REV1: variants seen among roughly 807,000 people sequenced by gnomAD.
REV1 encodes the protein REV1 DNA directed polymerase.
Under a neutral mutation model 137.4 loss-of-function variants are expected in REV1, and 42 were observed. The observed-to-expected ratio is 0.31, with a 90% confidence interval of 0.24 to 0.40. The LOEUF (loss-of-function observed/expected upper bound fraction) is 0.40, where lower values mean the gene tolerates loss of function less well. Among genes scored for constraint, REV1 ranks in the 10% least tolerant of loss-of-function variants. The pLI is 1.00. For synonymous variants in REV1, 524 were observed against 519.2 expected (o/e 1.01, Z -0.12); for missense variants, 1,282 against 1,490.1 (o/e 0.86, Z 2.30).
chr2:99,409,467 T>C (rs113391968), intron 14 of REV1, among the ~76,000 whole-genome samples: 52 of 152,296 alleles, frequency 3.4e-4, no homozygotes, highest in African/African-American at 1.2e-3. Flanking sequence ...CAATATAAAA[T>C]GACATGTAAA....
At chr2:99,432,210 G>A (rs1680210679) in intron 8 of REV1, among the ~76,000 whole-genome samples, 1 of 152,098 alleles carries the variant, frequency 6.6e-6, no homozygotes, top group Admixed American at 6.5e-5. Flanking sequence ...TGGTTGCACG[G>A]GGCTAATTAA....
chr2:99,402,047 T>A (rs527503674), intron 22 of REV1, among the ~76,000 whole-genome samples, 197 bp downstream of exon 22: 2 of 152,316 alleles, frequency 1.3e-5, no homozygotes, highest in Admixed American at 6.5e-5. Flanking sequence ...TATGGTTTTT[T>A]AATCACATGT....
intron 7 of REV1, among the ~76,000 whole-genome samples, chr2:99,434,829 C>A (rs897476557): frequency 3.0e-5 from 4 of 135,078 alleles, no homozygotes; most frequent in African/African-American, 1.2e-4. Context: ...CTAGAGTTAA[C>A]ATCTATACTT....
At chr2:99,439,697 T>C (rs1681229005) in intron 5 of REV1, among the ~76,000 whole-genome samples, 1 of 152,182 alleles carries the variant, frequency 6.6e-6, no homozygotes, top group African/African-American at 2.4e-5. Flanking sequence ...AAAAAATTAA[T>C]TGGAATCTAT....
chr2:99,480,739 T>C (rs1686525334), intron 1 of REV1, among the ~76,000 whole-genome samples: 1 of 152,182 alleles, frequency 6.6e-6, no homozygotes, highest in Non-Finnish European at 1.5e-5. Context: ...ACAAATCCCT[T>C]TTCTCACAAA....
At chr2:99,418,181 C>A in intron 12 of REV1, among the ~76,000 whole-genome samples, 1 of 140,694 alleles carries the variant, frequency 7.1e-6, no homozygotes, top group East Asian at 1.9e-4. Context: ...AAAACTTTCA[C>A]TATAAATGAA....
Position 99,406,110 on chromosome 2 carries a change from CAAAAAGAA to C in REV1, c.2615-12_2615-5del. 1 of 1,605,918 alleles carries C rather than the reference CAAAAAGAA, an allele frequency of 6.2e-7. No individual in the cohort carries two copies. On this transcript the variant is annotated splice_polypyrimidine_tract_variant and splice_region_variant and intron_variant, in intron 16 of 22. Coordinates refer to ENST00000258428, the MANE Select transcript of REV1 (RefSeq NM_016316.4). ...AGATCCACAGCAGCCCGAAATACTA[CAAAAAGAA>C]AATATATAAAATAGCCTCTTCAGAT...
intron 1 of REV1, among the ~76,000 whole-genome samples, chr2:99,475,022 G>A (rs966871897): frequency 2.6e-5 from 4 of 152,278 alleles, no homozygotes; most frequent in Non-Finnish European, 4.4e-5. Flanking sequence ...TATGTGGAAA[G>A]AGTTGGACCT....
chr2:99,434,478 ATGTGG>A, intron 7 of REV1, 30 bp from the exon 8 acceptor site: 1 of 1,505,476 alleles, frequency 6.6e-7, no homozygotes, highest in Non-Finnish European at 9.1e-7. Flanking sequence ...TTATTTCTGT[ATGTGG>A]TACAGGAATG....
intron 3 of REV1, among the ~76,000 whole-genome samples, chr2:99,453,406 T>G (rs1683141500): frequency 6.6e-6 from 1 of 152,138 alleles, no homozygotes; most frequent in Admixed American, 6.5e-5. Flanking sequence ...TTATCAGTAT[T>G]ATTTTTACCA....
intron 15 of REV1, 120 bp downstream of exon 15, chr2:99,407,909 G>C (rs1676566444): frequency 2.1e-6 from 1 of 476,670 alleles, no homozygotes; most frequent in Non-Finnish European, 3.7e-6. Flanking sequence ...GTATTACAAA[G>C]CAGCTAAAGA....
At chr2:99,445,156 C>CA (rs1426655161) in intron 4 of REV1, among the ~76,000 whole-genome samples, 9 of 149,796 alleles carry the variant, frequency 6.0e-5, no homozygotes, top group African/African-American at 1.5e-4. Context: ...CAAGGAATGG[C>CA]AAAAAAAACT....
intron 4 of REV1, 119 bp from the exon 5 acceptor site, chr2:99,442,588 T>C (rs1681659474): frequency 3.2e-6 from 3 of 930,604 alleles, no homozygotes; most frequent in Non-Finnish European, 4.9e-6. Context: ...TCTGTTTTCC[T>C]AGTTTATTCC....
intron 1 of REV1, among the ~76,000 whole-genome samples, chr2:99,477,058 TC>T (rs1645979042): frequency 8.1e-6 from 1 of 123,852 alleles, no homozygotes; most frequent in South Asian, 3.0e-4. Context: ...GCAGTTGATC[TC>T]ATAAGTGAGG....
rs1263177190 is a variant in REV1, at chr2:99,403,686, A to G, written c.3166+9T>C. On this transcript the variant is annotated intron_variant, in intron 19 of 22. Transcript: ENST00000258428. Reference sequence around the variant, plus strand: ...TTCATTTTTGTTACATGCCACTTCCAAGGCTCACCAGATGCGCTGGCTGAC... The same window carrying G: ...TTCATTTTTGTTACATGCCACTTCCGAGGCTCACCAGATGCGCTGGCTGAC... 10 of 1,614,026 alleles carry G rather than the reference A, an allele frequency of 6.2e-6. No homozygotes were observed. The highest frequency in any genetic ancestry group is 5.1e-6 in the Non-Finnish European group (6 of 1,180,008).
chr2:99,410,705 T>C lies in REV1; in HGVS notation c.2335A>G (p.Asn779Asp). 1 of 1,588,332 alleles carries C rather than the reference T, an allele frequency of 6.3e-7. No individual in the cohort carries two copies. The highest frequency in any genetic ancestry group is 8.5e-7 in the Non-Finnish European group (1 of 1,173,204). Residue 779 changes from asparagine (N) to aspartate (D), a missense_variant, in exon 14 of 23, where the codon AAC becomes GAC. Asn to Asp is a conservative substitution (Grantham distance 23). Coordinates refer to ENST00000258428, the MANE Select transcript of REV1 (RefSeq NM_016316.4). ...CTGAGGTGAGCTTACCTGGCAATGT[T>C]ATCACAAATTCCATGGCCTCCAAAT... ...AKFGGHGICD[N>D]IARTVTLDQA...
chr2:99,400,937 C>A lies in REV1; in HGVS notation c.*304G>T. On this transcript the variant is annotated 3_prime_UTR_variant, in exon 23 of 23. Transcript: ENST00000258428. ...GTTTTTAAGGATTCACAAAAAGGAG[C>A]CTGTACAAAATATACATACAGTTCT... The A allele has an allele frequency of 5.9e-6, 1 of 169,030 alleles. No individual in the cohort carries two copies. Among genetic ancestry groups the A allele is most frequent in the East Asian group, 1.6e-4 (1 of 6,204 alleles). The allele number at this position is 169,030 out of a possible 1,614,324, so 10.5% of individuals were successfully genotyped here.
intron 4 of REV1, among the ~76,000 whole-genome samples, chr2:99,444,976 A>G (rs1379176299): frequency 6.6e-6 from 1 of 152,214 alleles, no homozygotes; most frequent in Non-Finnish European, 1.5e-5. Flanking sequence ...TTATACACTG[A>G]GTTTTTTCAT....
In REV1 at chr2:99,450,526, T is replaced by C. The variant is rs769668424; in HGVS notation, c.182-1022A>G. ...TCATTATGACAATAATTAGGTGAGC[T>C]TTAGTTTCTAGAAGATAAAAAACTA... On this transcript the variant is annotated intron_variant, in intron 3 of 22. Transcript: ENST00000258428. Among the ~76,000 whole-genome samples, 28 of 152,232 alleles carry C rather than the reference T, an allele frequency of 1.8e-4. 1 individual carries two copies. The highest frequency in any genetic ancestry group is 4.6e-4 in the Admixed American group (7 of 15,288).
Sources: gnomAD v4.1 joint callset for allele counts (sites outside exome capture counted in the v4.1 genomes callset) on GRCh38, gnomAD v4.1.1 for gene constraint, MANE v1.5 for transcripts, NCBI Gene and HGNC (gene_info 2026-07-23, HGNC 2026-07-21) for gene names.